The following PHF24 variants were observed in gnomAD, a reference collection of about 807,000 sequenced individuals.
PHF24 encodes the protein PHD finger protein 24, also known as Galpha inhibitory interacting protein.
Under a neutral mutation model 42.6 loss-of-function variants are expected in PHF24, and 25 were observed. The ratio of observed to expected loss-of-function variants is 0.59; its 90% CI spans 0.43 to 0.82. The LOEUF is 0.82. Ranked by LOEUF, PHF24 falls within the 40% of genes least tolerant of loss-of-function variation. The pLI is 0.00. For missense variants in PHF24, 470 were observed against 538.1 expected, an observed-to-expected ratio of 0.87 and a Z score of 1.25; for synonymous variants, 185 against 204.8, an observed-to-expected ratio of 0.90 and a Z score of 0.83.
chr9:34,720,298 A>G, the PHF24 span, among the ~76,000 whole-genome samples: 4 of 152,038 alleles, frequency 2.6e-5, no homozygotes, highest in East Asian at 7.7e-4. Flanking sequence ...ACAAAAAATT[A>G]GCTGGGTGCG....
At chr9:34,753,987 G>T in the PHF24 span, among the ~76,000 whole-genome samples, 1 of 151,760 alleles carries the variant, frequency 6.6e-6, no homozygotes, top group Non-Finnish European at 1.5e-5. Flanking sequence ...AAAGTCAATC[G>T]ATTGGGTCTA....
intron 3 of PHF24, among the ~76,000 whole-genome samples, chr9:34,975,166 G>A (rs1665439986): frequency 6.6e-6 from 1 of 152,088 alleles, no homozygotes; most frequent in African/African-American, 2.4e-5. Context: ...CCTAATTTGA[G>A]GGGCTCGATA....
the PHF24 span, chr9:34,710,085 G>A: frequency 6.2e-7 from 1 of 1,611,578 alleles, no homozygotes; most frequent in Non-Finnish European, 8.5e-7. Context: ...TAGAGGGTGA[G>A]TAAGAGGCCA....
the PHF24 span, among the ~76,000 whole-genome samples, chr9:34,697,505 A>G: frequency 1.3e-5 from 2 of 152,188 alleles, no homozygotes; most frequent in Non-Finnish European, 2.9e-5. Flanking sequence ...TTTTTAGTAG[A>G]GATGGGGTTT....
the PHF24 span, among the ~76,000 whole-genome samples, chr9:34,809,046 AAAAT>A: frequency 0.37 from 48,135 of 129,148 alleles, 8,318 homozygotes; most frequent in East Asian, 0.56. This position sits in a 1 kb window ranked among gnomAD's most constrained non-coding sequence, Gnocchi z 4.1. Flanking sequence ...ATAAAAAAAA[AAAAT>A]AATAAATAAA....
chr9:34,671,851 CCATGT>C, the PHF24 span, among the ~76,000 whole-genome samples: 2 of 148,616 alleles, frequency 1.3e-5, no homozygotes, highest in Non-Finnish European at 3.0e-5. Flanking sequence ...ATCCATCCAT[CCATGT>C]GTCTATATGT....
the PHF24 span, among the ~76,000 whole-genome samples, chr9:34,939,480 G>A: frequency 4.6e-5 from 7 of 152,302 alleles, no homozygotes; most frequent in South Asian, 1.5e-3. Context: ...AGAAGGAGAG[G>A]AGGAAAGAAG....
At chr9:34,879,962 T>C in the PHF24 span, among the ~76,000 whole-genome samples, 1 of 152,168 alleles carries the variant, frequency 6.6e-6, no homozygotes, top group African/African-American at 2.4e-5. Context: ...AAGGTCAGGT[T>C]ACCCACAAAG....
At chr9:34,779,296 C>T in the PHF24 span, among the ~76,000 whole-genome samples, 1 of 152,048 alleles carries the variant, frequency 6.6e-6, no homozygotes, top group Admixed American at 6.5e-5. Context: ...AATCAACAAA[C>T]TCAAAACTTG....
chr9:34,936,110 T>C, the PHF24 span, among the ~76,000 whole-genome samples: 2 of 149,462 alleles, frequency 1.3e-5, no homozygotes, highest in East Asian at 4.1e-4. Context: ...GGTCTCCCTC[T>C]GATGCCGAGC....
the PHF24 span, among the ~76,000 whole-genome samples, chr9:34,868,509 T>C: frequency 1.3e-5 from 2 of 152,236 alleles, no homozygotes; most frequent in Non-Finnish European, 2.9e-5. Context: ...AATGAAGCTC[T>C]GTCACTTTTA....
the PHF24 span, among the ~76,000 whole-genome samples, chr9:34,752,942 T>C: frequency 1.3e-5 from 2 of 152,160 alleles, no homozygotes; most frequent in Non-Finnish European, 2.9e-5. Context: ...AATCATGTGA[T>C]CATTTCAATT....
chr9:34,881,500 T>C, the PHF24 span, among the ~76,000 whole-genome samples: 25 of 152,140 alleles, frequency 1.6e-4, no homozygotes, highest in Admixed American at 9.8e-4. Context: ...AAGAATCAAA[T>C]AGACGCAATA....
the PHF24 span, among the ~76,000 whole-genome samples, chr9:34,866,873 C>G: frequency 6.6e-6 from 1 of 152,154 alleles, no homozygotes; most frequent in African/African-American, 2.4e-5. Flanking sequence ...CCATGTTTAT[C>G]CAGCACAGCA....
the PHF24 span, among the ~76,000 whole-genome samples, chr9:34,683,249 A>C: frequency 6.6e-6 from 1 of 152,116 alleles, no homozygotes; most frequent in African/African-American, 2.4e-5. Context: ...TTAGTAGAGA[A>C]AGGGTTTTGC....
chr9:34,879,602 C>A, the PHF24 span, among the ~76,000 whole-genome samples: 3 of 152,036 alleles, frequency 2.0e-5, no homozygotes, highest in Admixed American at 6.6e-5. Context: ...GAAAAGGTAT[C>A]AGTGATTGAA....
the PHF24 span, among the ~76,000 whole-genome samples, chr9:34,741,095 A>C: frequency 6.6e-6 from 1 of 152,094 alleles, no homozygotes; most frequent in Admixed American, 6.5e-5. Context: ...CATGTTGGCC[A>C]GGCTGGTCTT....
the PHF24 span, among the ~76,000 whole-genome samples, chr9:34,847,560 A>G: frequency 6.6e-5 from 10 of 151,864 alleles, no homozygotes; most frequent in Non-Finnish European, 1.5e-4. Flanking sequence ...GGACAATTGG[A>G]CTTCCTCTTT....
At chr9:34,838,092 A>G in the PHF24 span, among the ~76,000 whole-genome samples, 1 of 152,256 alleles carries the variant, frequency 6.6e-6, no homozygotes, top group Non-Finnish European at 1.5e-5. Context: ...CCAGTGAGAT[A>G]GATCCCATAT....
Sources: gnomAD v4.1 joint callset for allele counts (sites outside exome capture counted in the v4.1 genomes callset) on GRCh38, gnomAD v4.1.1 for gene constraint, Gnocchi (gnomAD v3.1) non-coding constraint, MANE v1.5 for transcripts, NCBI Gene and HGNC (gene_info 2026-07-23, HGNC 2026-07-21) for gene names.